Variants in CLSTN2 observed in about 807,000 individuals in gnomAD.
The protein encoded by CLSTN2 is calsyntenin-2.
In CLSTN2, 48 loss-of-function variants were observed where a neutral mutation model predicts 101.2. The observed-to-expected ratio is 0.47, with a 90% CI of 0.38 to 0.60. The LOEUF (loss-of-function observed/expected upper bound fraction) is 0.60. Among genes scored for constraint, CLSTN2 ranks in the 20% least tolerant of loss-of-function variants. CLSTN2 has a pLI of 0.00. For missense variants in CLSTN2, 1,160 were observed against 1,238.2 expected (o/e 0.94, Z 0.95); for synonymous variants, 481 against 463.6 (o/e 1.04, Z -0.48).
intron 1 of CLSTN2, among the ~76,000 whole-genome samples, chr3:140,083,055 A>G (rs2008625091): frequency 6.6e-6 from 1 of 152,204 alleles, no homozygotes; most frequent in Non-Finnish European, 1.5e-5. Flanking sequence ...ATTAGGTCTT[A>G]GCTGACATGT....
chr3:140,390,621 T>C (rs1269117811), intron 2 of CLSTN2, among the ~76,000 whole-genome samples: 1 of 152,230 alleles, frequency 6.6e-6, no homozygotes, highest in African/African-American at 2.4e-5. Context: ...ATGGTGATAG[T>C]GTTATTTATA....
chr3:140,470,817 A>C (rs1275166214), intron 8 of CLSTN2, among the ~76,000 whole-genome samples: 1 of 152,156 alleles, frequency 6.6e-6, no homozygotes, highest in Non-Finnish European at 1.5e-5. Context: ...GGGCTATGTT[A>C]GAAGCCCCCC....
intron 2 of CLSTN2, among the ~76,000 whole-genome samples, chr3:140,309,482 G>A (rs537591168): frequency 1.3e-5 from 2 of 152,278 alleles, no homozygotes; most frequent in African/African-American, 4.8e-5. Flanking sequence ...TTCTGGGAGT[G>A]TAGGAGTGGG....
Position 139,949,808 on chromosome 3 carries a change from A to G in CLSTN2, c.109+14325A>G, listed in dbSNP as rs139674944. 3.5e-4 allele frequency among the ~76,000 whole-genome samples: 54 copies of G among 152,330 alleles called. No homozygotes were observed. The East Asian group carries it at 8.1e-3, about 23-fold the overall frequency. ...GGTGGATCTGACACTTTCCTATGTC[A>G]TTCCTTGGGTCCTCCTTGCTCCTAT... is the stretch of plus-strand genomic sequence containing the variant. On this transcript the variant is annotated intron_variant, in intron 1 of 16. Transcript: ENST00000458420.
chr3:140,079,560 G>T (rs2008550277), intron 1 of CLSTN2, among the ~76,000 whole-genome samples: 1 of 152,068 alleles, frequency 6.6e-6, no homozygotes. Context: ...GACCATCCTG[G>T]CTAACACAGT....
chr3:140,554,731 C>T (rs1442455301), intron 10 of CLSTN2, among the ~76,000 whole-genome samples: 1 of 152,158 alleles, frequency 6.6e-6, no homozygotes, highest in Non-Finnish European at 1.5e-5. Flanking sequence ...TGACAAATAA[C>T]CCAAATGTCC....
intron 1 of CLSTN2, among the ~76,000 whole-genome samples, chr3:139,955,314 C>A (rs1444225421): frequency 6.6e-6 from 1 of 151,636 alleles, no homozygotes; most frequent in Non-Finnish European, 1.5e-5. Context: ...TTTCTCATCT[C>A]TAAAATGGGT....
rs934552434 is a variant in CLSTN2, at chr3:140,306,325, C to G, written c.233-97304C>G. On this transcript the variant is annotated intron_variant, in intron 2 of 16. Coordinates refer to ENST00000458420, the MANE Select transcript of CLSTN2 (RefSeq NM_022131.3). The stretch of plus-strand genomic sequence containing the variant: ...TTATTGTTTCCCTTAGTTATAAACA[C>G]CCACTATCACCTCCTTCATTAGAAG... Among the ~76,000 whole-genome samples the G allele has an allele frequency of 3.3e-5, 5 of 152,180 alleles. No individual in the cohort carries two copies. In the South Asian group the frequency reaches 1.0e-3, roughly 32 times the overall value.
intron 2 of CLSTN2, among the ~76,000 whole-genome samples, chr3:140,359,045 C>A (rs1442052983): frequency 2.0e-5 from 3 of 152,160 alleles, no homozygotes; most frequent in Non-Finnish European, 4.4e-5. Flanking sequence ...AAAGTGTCAC[C>A]TCTCATCTGC....
At chr3:140,517,290 A>G (rs1934939032) in intron 8 of CLSTN2, among the ~76,000 whole-genome samples, 1 of 152,168 alleles carries the variant, frequency 6.6e-6, no homozygotes. Flanking sequence ...TAGCTTAATA[A>G]TTGACCTTCT....
At chr3:140,454,824 G>A (rs1019441431) in intron 6 of CLSTN2, 27 of 152,192 alleles carry the variant, frequency 1.8e-4, no homozygotes, top group African/African-American at 6.3e-4. Flanking sequence ...TATGACATAT[G>A]TCACATGCAC....
At chr3:140,020,842 C>T (rs572744590) in intron 1 of CLSTN2, among the ~76,000 whole-genome samples, 7 of 152,336 alleles carry the variant, frequency 4.6e-5, no homozygotes, top group Admixed American at 3.9e-4. Flanking sequence ...GCTGATCAAT[C>T]ATTGCACGAC....
Position 140,231,408 on chromosome 3 carries a change from T to A in CLSTN2, c.232+55335T>A, listed in dbSNP as rs75571340. Among the ~76,000 whole-genome samples the A allele has an allele frequency of 5.2e-3, 795 of 152,252 alleles. 6 individuals carry two copies. The highest frequency in any genetic ancestry group is 0.018 in the African/African-American group (739 of 41,550). ...AAACCGGTTTAAAAAAAATGCAGAC[T>A]GTTTCATGAGCAGTGAATTAACCAT... On this transcript the variant is annotated intron_variant, in intron 2 of 16. Transcript: ENST00000458420.
chr3:140,157,328 A>C (rs1462840436), intron 1 of CLSTN2, among the ~76,000 whole-genome samples: 2 of 151,962 alleles, frequency 1.3e-5, no homozygotes, highest in Admixed American at 1.3e-4. Flanking sequence ...GTTCTTCTTC[A>C]TATGTCTGGT....
At chr3:140,357,972 C>A (rs969905204) in intron 2 of CLSTN2, among the ~76,000 whole-genome samples, 4 of 152,178 alleles carry the variant, frequency 2.6e-5, no homozygotes, top group Non-Finnish European at 5.9e-5. Flanking sequence ...GCAAGAATGT[C>A]TCTCCCTGTT....
At chr3:140,496,697 G>A (rs544491322) in intron 8 of CLSTN2, among the ~76,000 whole-genome samples, 6 of 152,186 alleles carry the variant, frequency 3.9e-5, no homozygotes, top group Admixed American at 2.6e-4. Context: ...TATCAAAGGC[G>A]CAGGGTGGGT....
At chr3:139,966,378 C>A (rs1487347966) in intron 1 of CLSTN2, among the ~76,000 whole-genome samples, 2 of 152,200 alleles carry the variant, frequency 1.3e-5, no homozygotes, top group Non-Finnish European at 2.9e-5. Flanking sequence ...CCCAGCCTAA[C>A]TCCTGACTCC....
chr3:140,080,197 G>A (rs1051029943), intron 1 of CLSTN2, among the ~76,000 whole-genome samples: 2 of 152,140 alleles, frequency 1.3e-5, no homozygotes, highest in Admixed American at 1.3e-4. Context: ...CTCCTTCTCT[G>A]AAGCCCAGTG....
intron 4 of CLSTN2, among the ~76,000 whole-genome samples, chr3:140,405,380 A>G (rs2088291802): frequency 1.3e-5 from 2 of 152,126 alleles, no homozygotes; most frequent in Non-Finnish European, 2.9e-5. Flanking sequence ...AGCGTGCGCC[A>G]CCATGCTCGG....
Sources: gnomAD v4.1 joint callset for allele counts (sites outside exome capture counted in the v4.1 genomes callset) on GRCh38, gnomAD v4.1.1 for gene constraint, MANE v1.5 for transcripts, NCBI Gene and HGNC (gene_info 2026-07-23, HGNC 2026-07-21) for gene names.